The following SIX5 variants were observed in gnomAD, a reference collection of about 807,000 sequenced individuals.
SIX5 encodes homeobox protein SIX5.
SIX5 carries 21 observed loss-of-function variants against 37.1 expected under a neutral mutation model. The observed-to-expected ratio is 0.57, with a 90% CI of 0.40 to 0.81. The LOEUF (loss-of-function observed/expected upper bound fraction) is 0.81, where lower values mean the gene tolerates loss of function less well. Ranked by LOEUF, SIX5 falls within the 40% of genes least tolerant of loss-of-function variation. The probability of loss-of-function intolerance (pLI) is 0.00; values close to 1 mark genes in which losing one functional copy is unlikely to be tolerated. For missense variants in SIX5, 1,137 were observed against 1,025.1 expected (o/e 1.11, Z -1.49); for synonymous variants, 626 against 505.9 (o/e 1.24, Z -3.19).
chr19:45,766,932 C>CG lies in SIX5; in HGVS notation c.1026dup (p.Val343ArgfsTer62). On this transcript the variant is annotated frameshift_variant, in exon 2 of 3. Coordinates refer to ENST00000317578, the MANE Select transcript of SIX5 (RefSeq NM_175875.5). LOFTEE classifies it high-confidence loss of function. ...CCCAGGGCCAGGCCGTTGATGATGA[C>CG]GGGGCCCCCGTTGAGGAGCACTGCT... 1 of 1,567,510 alleles carries CG rather than the reference C, an allele frequency of 6.4e-7. No homozygotes were observed. The highest frequency in any genetic ancestry group is 8.6e-7 in the Non-Finnish European group (1 of 1,158,976).
In SIX5 at chr19:45,765,385, C is replaced by A. The variant is rs921023165; in HGVS notation, c.*116G>T. 5.4e-6 allele frequency: 8 copies of A among 1,487,878 alleles called. 1 individual carries two copies. In the African/African-American group the frequency reaches 8.3e-5, roughly 15 times the overall value. The allele number at this position is 1,487,878 out of a possible 1,614,324, so 92.2% of individuals were successfully genotyped here. ...CCAGGGCTTGGAGAGGCCACCCAGG[C>A]AGAAGGATGTGGTGACTGGGGTCTT... On this transcript the variant is annotated 3_prime_UTR_variant, in exon 3 of 3. Coordinates refer to ENST00000317578, the MANE Select transcript of SIX5 (RefSeq NM_175875.5).
rs926902580 is a variant in SIX5, at chr19:45,766,453, G to A, written c.1506C>T (p.Gly502=). The A allele has an allele frequency of 1.9e-6, 3 of 1,541,662 alleles. No homozygotes were observed. Among genetic ancestry groups the A allele is most frequent in the Non-Finnish European group, 2.6e-6 (3 of 1,142,116 alleles). The change falls in exon 2 of 3, where the codon GGC becomes GGT. Residue 502 remains glycine (G), a synonymous_variant. Coordinates refer to ENST00000317578, the MANE Select transcript of SIX5 (RefSeq NM_175875.5). ...CTGCAGCTGCCACCTTCACAGGGCT[G>A]CCTGGCCCGGCTGCCAACAGCTGCA... The part of the protein sequence containing the change: ...GPLQLLAAGP[G]SPVKVAAAAG...
chr19:45,768,298 C>G lies in SIX5; in HGVS notation c.547G>C (p.Val183Leu). 1 of 1,611,306 alleles carries G rather than the reference C, an allele frequency of 6.2e-7. No homozygotes were observed. Among genetic ancestry groups the G allele is most frequent in the Non-Finnish European group, 8.5e-7 (1 of 1,179,118 alleles). Residue 183 changes from valine (V) to leucine (L), a missense_variant, in exon 1 of 3, where the codon GTG becomes CTG. Coordinates refer to ENST00000317578, the MANE Select transcript of SIX5 (RefSeq NM_175875.5). ...ERARGRALGA[V>L]DKYRLRKKFP... is the part of the protein sequence containing the mutation. ...TTCTTGCGCAGTCGATACTTGTCCACTGCGCCAAGCGCGCGGCCGCGGGCC... is the reference window on the plus strand; with the variant it reads ...TTCTTGCGCAGTCGATACTTGTCCAGTGCGCCAAGCGCGCGGCCGCGGGCC...
In SIX5 at chr19:45,766,497, G is replaced by A. The variant is rs200487992; in HGVS notation, c.1462C>T (p.Pro488Ser). The A allele has an allele frequency of 1.3e-4, 197 of 1,515,542 alleles. No homozygotes were observed. Among genetic ancestry groups the A allele is most frequent in the Admixed American group, 7.4e-4 (36 of 48,700 alleles). 93.9% of individuals were successfully genotyped at this position (1,515,542 alleles called of 1,614,324 possible). ...AGCTGCAGGGGCCCCACAGCCTGGG[G>A]CAGGGTCACCACCTGTGAGGTGGGT... ...VVPTSQVVTL[P>S]QAVGPLQLLA... The change falls in exon 2 of 3, where the codon CCC becomes TCC. Residue 488 changes from proline (P) to serine (S), a missense_variant. By Grantham distance (74) the Pro-to-Ser change is moderately conservative. Around this residue, in one of 3 missense-constraint regions of SIX5, gnomAD observed 787 missense variants for 621.4 expected, o/e 1.27. Transcript: ENST00000317578.
chr19:45,768,920 C>A lies in SIX5; in HGVS notation c.-76G>T. On this transcript the variant is annotated 5_prime_UTR_variant, in exon 1 of 3. Coordinates refer to ENST00000317578, the MANE Select transcript of SIX5 (RefSeq NM_175875.5). ...TTCCCCAGCCTCCTCCCCCACCTGT[C>A]CCCCCTTTTCGCCCCCACTCCCCGC... is the stretch of plus-strand genomic sequence containing the variant. The A allele has an allele frequency of 8.0e-7, 1 of 1,249,668 alleles. No homozygotes were observed. Among genetic ancestry groups the A allele is most frequent in the Middle Eastern group, 2.7e-4 (1 of 3,768 alleles). The allele number at this position is 1,249,668 out of a possible 1,614,324, so 77.4% of individuals were successfully genotyped here. A position where few individuals can be genotyped will look rare whatever the true frequency, so the allele number is the denominator to read the frequency against.
intron 1 of SIX5, chr19:45,767,762 T>G: frequency 1.9e-6 from 1 of 535,326 alleles, no homozygotes; most frequent in Non-Finnish European, 3.3e-6. Context: ...GTCCCTCTAG[T>G]GCCCCCCGCA....
Position 45,768,963 on chromosome 19 carries a change from C to T in SIX5, c.-119G>A. The T allele has an allele frequency of 1.0e-6, 1 of 979,240 alleles. No individual in the cohort carries two copies. The highest frequency in any genetic ancestry group is 1.5e-6 in the Non-Finnish European group (1 of 679,404). The allele number at this position is 979,240 out of a possible 1,614,324, so 60.7% of individuals were successfully genotyped here. The stretch of plus-strand genomic sequence containing the variant: ...CTCCCCGCTCTTCTCGATCTTCTTT[C>T]TGGCCGACCCTGCGCCCCACGCCGG... On this transcript the variant is annotated 5_prime_UTR_variant, in exon 1 of 3. Transcript: ENST00000317578.
Position 45,769,064 on chromosome 19 carries a change from T to C in SIX5, c.-220A>G. 1 of 503,968 alleles carries C rather than the reference T, an allele frequency of 2.0e-6. No individual in the cohort carries two copies. The highest frequency in any genetic ancestry group is 3.5e-6 in the Non-Finnish European group (1 of 285,104). The allele number at this position is 503,968 out of a possible 1,614,324, so 31.2% of individuals were successfully genotyped here. ...CGTCCCCCTCCCGTCTGTCTGTGAT[T>C]CTCCCTTTGTTTTCCCTCCGCCTCT... On this transcript the variant is annotated 5_prime_UTR_variant, in exon 1 of 3. Coordinates refer to ENST00000317578, the MANE Select transcript of SIX5 (RefSeq NM_175875.5).
At position 45,765,278 on chromosome 19, in the gene SIX5, G is replaced by A; in HGVS notation, c.*223C>T. 1.5e-6 allele frequency: 1 copy of A among 656,648 alleles called. No individual in the cohort carries two copies. The highest frequency in any genetic ancestry group is 2.7e-5 in the East Asian group (1 of 37,298). 40.7% of individuals were successfully genotyped at this position (656,648 alleles called of 1,614,324 possible). On this transcript the variant is annotated 3_prime_UTR_variant, in exon 3 of 3. Coordinates refer to ENST00000317578, the MANE Select transcript of SIX5 (RefSeq NM_175875.5). ...TATATGGCAGGGCACAGCATGGGGAGGGCTGTAACAGAGAGGCCTCCCATC... is the reference window on the plus strand; with the variant it reads ...TATATGGCAGGGCACAGCATGGGGAAGGCTGTAACAGAGAGGCCTCCCATC...
Position 45,765,996 on chromosome 19 carries a change from C to A in SIX5, c.1725G>T (p.Gln575His). Residue 575 changes from glutamine to histidine, a missense_variant, in exon 3 of 3, where the codon CAG becomes CAT. Transcript: ENST00000317578. ...CCAGGCCGGGGGCTGGCGGCAGGAC[C>A]TGGGAGACGAGCATGCTGGTGGGGA... ...ATFPTSMLVS[Q>H]VLPPAPGLAL... 1 of 1,602,450 alleles carries A rather than the reference C, an allele frequency of 6.2e-7. No homozygotes were observed. Among genetic ancestry groups the A allele is most frequent in the Non-Finnish European group, 8.5e-7 (1 of 1,175,202 alleles).
rs770099969 is a variant in SIX5 at position 45,768,273 on chromosome 19, T to C, written c.572A>G (p.Lys191Arg). ...GAVDKYRLRK[K>R]FPLPKTIWDG... ...CCAGATGGTCTTGGGCAGCGGGAAC[T>C]TCTTGCGCAGTCGATACTTGTCCAC... The change falls in exon 1 of 3, where the codon AAG becomes AGG. Residue 191 changes from lysine to arginine, a missense_variant. Lys to Arg is a conservative substitution (Grantham distance 26, BLOSUM62 2). Transcript: ENST00000317578. The C allele has an allele frequency of 1.2e-6, 2 of 1,612,752 alleles. No individual in the cohort carries two copies. Among genetic ancestry groups the C allele is most frequent in the Admixed American group, 1.7e-5 (1 of 59,890 alleles).
chr19:45,767,298 A>G, intron 1 of SIX5, 143 bp from the exon 2 acceptor site: 2 of 829,204 alleles, frequency 2.4e-6, no homozygotes, highest in Admixed American at 2.2e-5. Context: ...AGACCACTCC[A>G]AACTCCAGGG....
In SIX5 at chr19:45,768,172, A is replaced by T; in HGVS notation, c.673T>A (p.Tyr225Asn). ...ALKACYRGNR[Y>N]PTPDEKRRLA... ...CGGCGCTTCTCGTCCGGCGTGGGGT[A>T]GCGGTTGCCGCGGTAGCAGGCCTTG... The change falls in exon 1 of 3, where the codon TAC becomes AAC. Residue 225 changes from tyrosine (Y) to asparagine (N), a missense_variant. Tyr to Asn is a moderately radical substitution (Grantham distance 143, BLOSUM62 -2). Around this residue, in one of 3 missense-constraint regions of SIX5, gnomAD observed 331 missense variants for 360.9 expected, o/e 0.92. Transcript: ENST00000317578. 6.2e-7 allele frequency: 1 copy of T among 1,612,820 alleles called. No individual in the cohort carries two copies. The highest frequency in any genetic ancestry group is 8.5e-7 in the Non-Finnish European group (1 of 1,179,760).
Position 45,768,674 on chromosome 19 carries a change from C to T in SIX5, c.171G>A (p.Ala57=). 7.7e-7 allele frequency: 1 copy of T among 1,292,946 alleles called. No homozygotes were observed. Among genetic ancestry groups the T allele is most frequent in the Non-Finnish European group, 9.7e-7 (1 of 1,030,618 alleles). The allele number at this position is 1,292,946 out of a possible 1,614,324, so 80.1% of individuals were successfully genotyped here. A position where few individuals can be genotyped will look rare whatever the true frequency, so the allele number is the denominator to read the frequency against. The change falls in exon 1 of 3, where the codon GCG becomes GCA. Residue 57 remains alanine, a synonymous_variant. Transcript: ENST00000317578. ...ATCCCGGGCCCTCAGCTCCCGCAGC[C>T]GCTGCGCCCGCCCCGGCCCCGGCCG... The part of the protein sequence containing the change: ...AAAAGAGAGA[A]AAGAEGPGSP...
chr19:45,768,189 C>T lies in SIX5; in HGVS notation c.656G>A (p.Cys219Tyr), dbSNP rs1451031540. ...KERSRAALKA[C>Y]YRGNRYPTPD... is the part of the protein sequence containing the mutation. ...CGTGGGGTAGCGGTTGCCGCGGTAGCAGGCCTTGAGCGCTGCGCGGGAGCG... is the reference window on the plus strand; with the variant it reads ...CGTGGGGTAGCGGTTGCCGCGGTAGTAGGCCTTGAGCGCTGCGCGGGAGCG... The change falls in exon 1 of 3, where the codon TGC becomes TAC. Residue 219 changes from cysteine (C) to tyrosine (Y), a missense_variant. Cys to Tyr is a radical substitution (Grantham distance 194). Transcript: ENST00000317578. 1.9e-6 allele frequency: 3 copies of T among 1,613,122 alleles called. No homozygotes were observed. Among genetic ancestry groups the T allele is most frequent in the Admixed American group, 3.3e-5 (2 of 59,984 alleles).
At position 45,768,259 on chromosome 19, in the gene SIX5, T is replaced by G. The variant is rs778729997; in HGVS notation, c.586A>C (p.Lys196Gln). 5 of 1,613,024 alleles carry G rather than the reference T, an allele frequency of 3.1e-6. No individual in the cohort carries two copies. The South Asian group carries it at 3.3e-5, about 11-fold the overall frequency. Reference protein sequence around the residue: ...YRLRKKFPLPKTIWDGEETVY... With the variant: ...YRLRKKFPLPQTIWDGEETVY... Reference sequence around the variant, plus strand: ...GTCTCCTCGCCGTCCCAGATGGTCTTGGGCAGCGGGAACTTCTTGCGCAGT... The same window carrying G: ...GTCTCCTCGCCGTCCCAGATGGTCTGGGGCAGCGGGAACTTCTTGCGCAGT... The change falls in exon 1 of 3, where the codon AAG (lysine) becomes CAG (glutamine). Residue 196 changes from lysine (K) to glutamine (Q), a missense_variant. By Grantham distance (53) the Lys-to-Gln change is moderately conservative (BLOSUM62 1). Coordinates refer to ENST00000317578, the MANE Select transcript of SIX5 (RefSeq NM_175875.5).
rs577215215 is a variant in SIX5 at position 45,768,130 on chromosome 19, C to T, written c.715G>A (p.Gly239Ser). 1 of 1,609,820 alleles carries T rather than the reference C, an allele frequency of 6.2e-7. No individual in the cohort carries two copies. Among genetic ancestry groups the T allele is most frequent in the Non-Finnish European group, 8.5e-7 (1 of 1,179,318 alleles). The stretch of plus-strand genomic sequence containing the variant: ...TTGCTGACCTGCGTGAGCGACAGGC[C>T]GGTGAGTGTGGCCAGGCGGCGCTTC... ...DEKRRLATLT[G>S]LSLTQVSNWF... Residue 239 changes from glycine (G) to serine (S), a missense_variant, in exon 1 of 3, where the codon GGC (glycine) becomes AGC (serine). Gly to Ser is a moderately conservative substitution (Grantham distance 56, BLOSUM62 0). Coordinates refer to ENST00000317578, the MANE Select transcript of SIX5 (RefSeq NM_175875.5).
In SIX5 at chr19:45,766,771, C is replaced by G; in HGVS notation, c.1188G>C (p.Glu396Asp). ...LDPQTGEVRL[E>D]EAQSEAPETK... ...TCTCAGGGGCCTCCGACTGAGCCTC[C>G]TCCAGCCGCACCTCCCCTGTCTGAG... The change falls in exon 2 of 3, where the codon GAG becomes GAC. Residue 396 changes from glutamate (E) to aspartate (D), a missense_variant. Physicochemically the swap from Glu to Asp is conservative, Grantham distance 45 (BLOSUM62 2). This residue lies in a region of SIX5 where 787 missense variants were observed against 621.4 expected (regional missense o/e 1.27). Coordinates refer to ENST00000317578, the MANE Select transcript of SIX5 (RefSeq NM_175875.5). 1.3e-6 allele frequency: 2 copies of G among 1,580,952 alleles called. No individual in the cohort carries two copies. The highest frequency in any genetic ancestry group is 1.7e-6 in the Non-Finnish European group (2 of 1,166,488).
Position 45,766,408 on chromosome 19 carries a change from G to A in SIX5, c.1551C>T (p.His517=), listed in dbSNP as rs565005863. 78 of 1,584,000 alleles carry A rather than the reference G, an allele frequency of 4.9e-5. 1 individual carries two copies. In the South Asian group the frequency reaches 8.1e-4, roughly 16 times the overall value. ...VAAAAGPANV[H]LINSGVGVTA... is the part of the protein sequence containing the mutation. Reference sequence around the variant, plus strand: ...TCACGCCCACCCCGGAGTTGATGAGGTGCACATTGGCAGGGCCTGCTGCAG... The same window carrying A: ...TCACGCCCACCCCGGAGTTGATGAGATGCACATTGGCAGGGCCTGCTGCAG... Residue 517 remains histidine (H), a synonymous_variant, in exon 2 of 3, where the codon CAC becomes CAT. Transcript: ENST00000317578.
Sources: allele counts gnomAD v4.1 joint callset, GRCh38; gene constraint gnomAD v4.1.1; regional missense constraint gnomAD v4.1.1; transcripts MANE v1.5; gene names NCBI Gene and HGNC (gene_info 2026-07-23, HGNC 2026-07-21).